SV2C: variants seen among roughly 807,000 people sequenced by gnomAD.
The protein encoded by SV2C is solute carrier family 22 member B3.
In SV2C, 49 loss-of-function variants were observed where a neutral mutation model predicts 79.7. The ratio of observed to expected loss-of-function variants is 0.61; its 90% CI spans 0.49 to 0.78. The LOEUF is 0.78. Ranked by LOEUF, SV2C falls within the 30% of genes least tolerant of loss-of-function variation. The pLI, the probability that SV2C is intolerant of heterozygous loss-of-function variation, is 0.00. For synonymous variants in SV2C, 334 were observed against 333.2 expected (o/e 1.00, Z -0.03); for missense variants, 833 against 912.9 (o/e 0.91, Z 1.13).
At chr5:76,192,726 G>C (rs1484146308) in intron 2 of SV2C, among the ~76,000 whole-genome samples, 1 of 152,126 alleles carries the variant, frequency 6.6e-6, no homozygotes. Context: ...ATAAGCTGTT[G>C]GGTAGGATTA....
chr5:76,340,970 G>T (rs145124865), intron 12 of SV2C, among the ~76,000 whole-genome samples: 1 of 132,842 alleles, frequency 7.5e-6, no homozygotes. Context: ...CACTCTTGTC[G>T]CCCAGGCTGG....
chr5:76,283,989 T>A (rs1260770668), intron 4 of SV2C, among the ~76,000 whole-genome samples: 1 of 152,216 alleles, frequency 6.6e-6, no homozygotes. Context: ...ATTATCTGAT[T>A]TTTGTTCACA....
At chr5:76,166,788 C>T (rs1743059483) in intron 2 of SV2C, among the ~76,000 whole-genome samples, 1 of 152,178 alleles carries the variant, frequency 6.6e-6, no homozygotes, top group African/African-American at 2.4e-5. Context: ...ATCCACAAAC[C>T]TCATTCAATG....
the SV2C span, among the ~76,000 whole-genome samples, chr5:75,927,380 T>G: frequency 8.6e-5 from 13 of 151,744 alleles, no homozygotes; most frequent in Non-Finnish European, 1.5e-4. Flanking sequence ...TTATGCTAAG[T>G]GAAATAAGCC....
At chr5:75,863,771 G>T in the SV2C span, among the ~76,000 whole-genome samples, 1 of 152,136 alleles carries the variant, frequency 6.6e-6, no homozygotes, top group African/African-American at 2.4e-5. Flanking sequence ...ACAAGATTTT[G>T]TGTCCAAATA....
At chr5:76,349,250 G>A (rs575070395) in intron 12 of SV2C, among the ~76,000 whole-genome samples, 3 of 152,320 alleles carry the variant, frequency 2.0e-5, no homozygotes, top group African/African-American at 4.8e-5. Flanking sequence ...GGTGGCTCAC[G>A]CCTGTAATCC....
intron 4 of SV2C, among the ~76,000 whole-genome samples, chr5:76,274,156 T>C (rs1028361282): frequency 6.6e-6 from 1 of 152,220 alleles, no homozygotes; most frequent in African/African-American, 2.4e-5. Flanking sequence ...AATTTGATTC[T>C]TTCTCCTCTC....
At chr5:75,954,573 G>T in the SV2C span, among the ~76,000 whole-genome samples, 1 of 150,256 alleles carries the variant, frequency 6.7e-6, no homozygotes, top group South Asian at 2.1e-4. Context: ...GAAATAAAGG[G>T]TATTCAATTA....
the SV2C span, among the ~76,000 whole-genome samples, chr5:75,888,253 A>C: frequency 9.2e-5 from 14 of 152,032 alleles, no homozygotes; most frequent in African/African-American, 3.4e-4. Context: ...CTTTGGCCAC[A>C]ACCTTGTGAT....
In SV2C at chr5:76,285,256, C is replaced by G. The variant is rs746910943; in HGVS notation, c.1008C>G (p.Ala336=). ...TCCCCTGTGTCTCCTCCGTGGTGGC[C>G]CTCACATTCATGCCTGAAAGCCCAC... is the stretch of plus-strand genomic sequence containing the variant. ...CALPCVSSVV[A]LTFMPESPRF... is the part of the protein sequence containing the mutation. The change falls in exon 5 of 13, where the codon GCC becomes GCG. Residue 336 remains alanine (A), a synonymous_variant. Coordinates refer to ENST00000502798, the MANE Select transcript of SV2C (RefSeq NM_014979.4). 28 of 1,613,996 alleles carry G rather than the reference C, an allele frequency of 1.7e-5. No homozygotes were observed. The East Asian group carries it at 5.6e-4, about 32-fold the overall frequency.
chr5:75,904,816 C>T, the SV2C span, among the ~76,000 whole-genome samples: 1 of 152,182 alleles, frequency 6.6e-6, no homozygotes, highest in African/African-American at 2.4e-5. Flanking sequence ...TGTAGTCTTG[C>T]TTTGATGAAT....
chr5:76,146,331 T>G (rs549449196), intron 2 of SV2C, among the ~76,000 whole-genome samples: 8 of 152,328 alleles, frequency 5.3e-5, no homozygotes, highest in African/African-American at 1.7e-4. Flanking sequence ...AGCTACTCCA[T>G]GGACCAGCCC....
chr5:76,335,500 T>G (rs1205405805), downstream of SV2C, among the ~76,000 whole-genome samples: 1 of 138,578 alleles, frequency 7.2e-6, no homozygotes, highest in Non-Finnish European at 1.5e-5. Flanking sequence ...AGGACAATAG[T>G]GGAGGGAAGG....
chr5:76,240,625 G>A lies in SV2C; in HGVS notation c.913+30738G>A, dbSNP rs62361389. On this transcript the variant is annotated intron_variant, in intron 4 of 12. Transcript: ENST00000502798. ...TCCCTCTTGTTCCTAGCAGTAAGCA[G>A]TTCTGTTATACACTCTTTATATGCT... Among the ~76,000 whole-genome samples, 600 of 152,262 alleles carry A rather than the reference G, an allele frequency of 3.9e-3. 1 individual carries two copies. The highest frequency in any genetic ancestry group is 7.0e-3 in the Non-Finnish European group (478 of 68,010).
At chr5:76,114,423 A>G (rs1748196095) in intron 1 of SV2C, among the ~76,000 whole-genome samples, 1 of 152,226 alleles carries the variant, frequency 6.6e-6, no homozygotes, top group Admixed American at 6.5e-5. Context: ...TCTAGCCAGT[A>G]AAGGGAGAAC....
chr5:76,234,464 T>G (rs1012187245), intron 4 of SV2C, among the ~76,000 whole-genome samples: 2 of 145,856 alleles, frequency 1.4e-5, no homozygotes, highest in Admixed American at 6.6e-5. Context: ...AGAGGAAAGT[T>G]TTCCGGAGTT....
chr5:76,089,599 G>A (rs1046189689), intron 1 of SV2C, among the ~76,000 whole-genome samples: 5 of 152,102 alleles, frequency 3.3e-5, no homozygotes, highest in Admixed American at 6.5e-5. Flanking sequence ...TTGAAGAATC[G>A]CCACACTGTC....
chr5:75,957,291 C>T, the SV2C span, among the ~76,000 whole-genome samples: 1 of 151,910 alleles, frequency 6.6e-6, no homozygotes, highest in African/African-American at 2.4e-5. Context: ...AATGTTGGTT[C>T]CCAGTGTATC....
chr5:76,185,665 G>T (rs1743891117), intron 2 of SV2C, among the ~76,000 whole-genome samples: 1 of 152,276 alleles, frequency 6.6e-6, no homozygotes, highest in East Asian at 1.9e-4. Flanking sequence ...AAGCAGCTGG[G>T]ATTCAGGGCA....
Sources: allele counts gnomAD v4.1 joint callset (sites outside exome capture counted in the v4.1 genomes callset), GRCh38; gene constraint gnomAD v4.1.1; transcripts MANE v1.5; gene names NCBI Gene and HGNC (gene_info 2026-07-23, HGNC 2026-07-21).